CRCP: variants seen among roughly 807,000 people sequenced by gnomAD.
CRCP encodes CGRP receptor component.
A neutral mutation model predicts 18.5 loss-of-function variants in CRCP; 18 were observed. The observed-to-expected ratio is 0.97, with a 90% confidence interval of 0.67 to 1.44. The LOEUF (loss-of-function observed/expected upper bound fraction) is 1.44, where lower values mean the gene tolerates loss of function less well. Among genes scored for constraint, CRCP ranks in the 40% most tolerant of loss-of-function variants. CRCP has a pLI of 0.00. For synonymous variants in CRCP, 53 were observed against 62.9 expected (o/e 0.84, Z 0.75); for missense variants, 130 against 176.4 (o/e 0.74, Z 1.49).
chr7:66,120,706 CCCT>C (rs1271779115), intron 1 of CRCP: 1 of 152,006 alleles, frequency 6.6e-6, no homozygotes, highest in Non-Finnish European at 1.5e-5. Context: ...ATGCAGTTGG[CCCT>C]CCATATCTGC....
chr7:66,125,846 C>A lies in CRCP; in HGVS notation c.9-1858C>A, dbSNP rs1431715547. Among the ~76,000 whole-genome samples the A allele has an allele frequency of 1.3e-5, 2 of 148,908 alleles. 1 individual carries two copies. The highest frequency in any genetic ancestry group is 3.0e-5 in the Non-Finnish European group (2 of 66,620). Reference sequence around the variant, plus strand: ...CATATTTTTTCTCGAGTCAAGTATTCCAGGAAGGGATGTTTTAATGCCTCA... The same window carrying A: ...CATATTTTTTCTCGAGTCAAGTATTACAGGAAGGGATGTTTTAATGCCTCA... On this transcript the variant is annotated intron_variant, in intron 1 of 5. Transcript: ENST00000395326.
In CRCP at chr7:66,142,074, G is replaced by T. The variant is rs573325944; in HGVS notation, c.240-3369G>T. Among the ~76,000 whole-genome samples the T allele has an allele frequency of 2.1e-3, 324 of 152,212 alleles. 2 individuals are homozygous for T. The highest frequency in any genetic ancestry group is 7.6e-3 in the African/African-American group (317 of 41,512). ...ATCCTCTGTAGCTTTTAGTCTTTGCGATCCCTCTTCTCCCTCTTCACGTGG... is the reference window on the plus strand; with the variant it reads ...ATCCTCTGTAGCTTTTAGTCTTTGCTATCCCTCTTCTCCCTCTTCACGTGG... On this transcript the variant is annotated intron_variant, in intron 4 of 5. Transcript: ENST00000395326.
chr7:66,116,145 A>T (rs1021021657), intron 1 of CRCP, among the ~76,000 whole-genome samples: 3 of 152,126 alleles, frequency 2.0e-5, no homozygotes, highest in Non-Finnish European at 2.9e-5. Context: ...AACTGAAATG[A>T]AAGGCTCATG....
At chr7:66,116,282 C>T (rs1040159585) in intron 1 of CRCP, among the ~76,000 whole-genome samples, 3 of 151,754 alleles carry the variant, frequency 2.0e-5, no homozygotes, top group African/African-American at 4.8e-5. Flanking sequence ...ATCACTTGAA[C>T]CTGGGAGGTG....
intron 4 of CRCP, among the ~76,000 whole-genome samples, chr7:66,136,215 C>G (rs1248281707): frequency 6.6e-6 from 1 of 151,940 alleles, no homozygotes; most frequent in Non-Finnish European, 1.5e-5. Context: ...AGAAAACTAG[C>G]CCGTTTTTTT....
At chr7:66,143,712 A>G (rs1385846411) in intron 4 of CRCP, among the ~76,000 whole-genome samples, 5 of 152,242 alleles carry the variant, frequency 3.3e-5, no homozygotes, top group Admixed American at 3.3e-4. Context: ...CATGTACACT[A>G]GAAGCAGATG....
intron 5 of CRCP, among the ~76,000 whole-genome samples, chr7:66,147,226 C>G (rs1038247867): frequency 1.3e-5 from 2 of 151,936 alleles, no homozygotes; most frequent in Admixed American, 6.6e-5. Context: ...CCTGTAATCC[C>G]AGCTACTTGG....
intron 4 of CRCP, among the ~76,000 whole-genome samples, chr7:66,143,503 C>T (rs1334901597): frequency 6.6e-6 from 1 of 152,146 alleles, no homozygotes; most frequent in East Asian, 1.9e-4. Context: ...GGCTGTCCCT[C>T]CCATCCCTTT....
At chr7:66,115,461 CTG>C (rs1440084885) in intron 1 of CRCP, among the ~76,000 whole-genome samples, 8 of 152,174 alleles carry the variant, frequency 5.3e-5, no homozygotes, top group Admixed American at 2.6e-4. Context: ...GCAGTAAACA[CTG>C]TGAGGGAAGG....
chr7:66,153,091 T>G lies in CRCP; in HGVS notation c.*734T>G, dbSNP rs746267991. The G allele has an allele frequency of 1.3e-5, 2 of 152,938 alleles. No homozygotes were observed. Among genetic ancestry groups the G allele is most frequent in the Non-Finnish European group, 2.9e-5 (2 of 68,112 alleles). The allele number at this position is 152,938 out of a possible 1,614,324, so 9.5% of individuals were successfully genotyped here. ...GCAGCCCAGGGCAGGTGCTTCATAT[T>G]CAGACCAGGTAAGCCTCATTTGCAC... On this transcript the variant is annotated 3_prime_UTR_variant, in exon 6 of 6. Transcript: ENST00000395326.
intron 1 of CRCP, among the ~76,000 whole-genome samples, chr7:66,117,445 C>A (rs1787303255): frequency 6.6e-6 from 1 of 152,136 alleles, no homozygotes; most frequent in South Asian, 2.1e-4. Flanking sequence ...TAACCTTCTT[C>A]TCATCATCTA....
At chr7:66,134,099 A>G (rs1456572217) in intron 3 of CRCP, among the ~76,000 whole-genome samples, 181 bp from the exon 4 acceptor site, 1 of 151,704 alleles carries the variant, frequency 6.6e-6, no homozygotes, top group Admixed American at 6.6e-5. Context: ...ACCTCAGGTG[A>G]TTTGGCCACC....
intron 5 of CRCP, 83 bp from the exon 6 acceptor site, chr7:66,152,125 T>G (rs1229497864): frequency 1.3e-6 from 2 of 1,523,962 alleles, no homozygotes; most frequent in Admixed American, 3.6e-5. Flanking sequence ...GAGGCCGGGC[T>G]GAGACCATGA....
At chr7:66,132,101 G>T (rs1427883888) in intron 3 of CRCP, among the ~76,000 whole-genome samples, 1 of 152,284 alleles carries the variant, frequency 6.6e-6, no homozygotes, top group Non-Finnish European at 1.5e-5. Flanking sequence ...AGTGCTGGGA[G>T]TTCTCATGTA....
At chr7:66,123,630 A>T (rs1188113961) in intron 1 of CRCP, among the ~76,000 whole-genome samples, 1 of 151,894 alleles carries the variant, frequency 6.6e-6, no homozygotes, top group Admixed American at 6.6e-5. Flanking sequence ...TGCCTGTAAT[A>T]CCAGCTACTT....
chr7:66,124,719 C>CCCATTTTT (rs1449756973), intron 1 of CRCP, among the ~76,000 whole-genome samples: 1 of 126,694 alleles, frequency 7.9e-6, no homozygotes, highest in African/African-American at 2.5e-5. Flanking sequence ...GCTTTCTCTC[C>CCCATTTTT]ATACACAGGT....
intron 2 of CRCP, chr7:66,130,321 G>C (rs887926132): frequency 5.1e-6 from 1 of 196,272 alleles, no homozygotes; most frequent in African/African-American, 2.4e-5. Context: ...AGCCAGGATG[G>C]TCTTGATCTC....
At chr7:66,146,153 T>C (rs1237613201) in intron 5 of CRCP, among the ~76,000 whole-genome samples, 1 of 152,138 alleles carries the variant, frequency 6.6e-6, no homozygotes, top group African/African-American at 2.4e-5. Context: ...ATCTCCCACA[T>C]CACCGTCAGA....
At chr7:66,127,071 C>T (rs752902483) in intron 1 of CRCP, among the ~76,000 whole-genome samples, 2 of 152,178 alleles carry the variant, frequency 1.3e-5, no homozygotes, top group African/African-American at 2.4e-5. Flanking sequence ...AGAACATGAA[C>T]CCAAATCTGA....
Sources: allele counts gnomAD v4.1 joint callset (sites outside exome capture counted in the v4.1 genomes callset), GRCh38; gene constraint gnomAD v4.1.1; transcripts MANE v1.5; gene names NCBI Gene and HGNC (gene_info 2026-07-23, HGNC 2026-07-21).